The following AMN1 variants were observed in gnomAD, a reference collection of about 807,000 sequenced individuals.
The protein encoded by AMN1 is antagonist of mitotic exit network 1 homolog.
AMN1 carries 20 observed loss-of-function variants against 33.0 expected under a neutral mutation model. The observed-to-expected ratio is 0.61, with a 90% CI of 0.43 to 0.88. The LOEUF (loss-of-function observed/expected upper bound fraction) is 0.88, where lower values mean the gene tolerates loss of function less well. Ranked by LOEUF, AMN1 falls within the 40% of genes least tolerant of loss-of-function variation. AMN1 has a pLI of 0.00. For missense variants in AMN1, 246 were observed against 307.4 expected, an observed-to-expected ratio of 0.80 and a Z score of 1.49; for synonymous variants, 114 against 111.9, an observed-to-expected ratio of 1.02 and a Z score of -0.12.
intron 1 of AMN1, among the ~76,000 whole-genome samples, chr12:31,721,036 A>AGAC (rs1939861508): frequency 6.6e-6 from 1 of 152,186 alleles, no homozygotes; most frequent in Admixed American, 6.5e-5. Flanking sequence ...GGAGTTTGAG[A>AGAC]CCAGCCTCAT....
chr12:31,692,406 G>A (rs1161228375), intron 5 of AMN1, among the ~76,000 whole-genome samples: 1 of 149,900 alleles, frequency 6.7e-6, no homozygotes, highest in Non-Finnish European at 1.5e-5. Context: ...GCAGTGAGCC[G>A]AGATCACTGC....
At chr12:31,674,137 G>A (rs1159194173) in intron 6 of AMN1, among the ~76,000 whole-genome samples, 1 of 151,972 alleles carries the variant, frequency 6.6e-6, no homozygotes, top group Admixed American at 6.6e-5. Flanking sequence ...GGCTGGGTGC[G>A]GTGGCTCACG....
At chr12:31,689,967 T>G (rs1459947101) in intron 5 of AMN1, among the ~76,000 whole-genome samples, 1 of 152,218 alleles carries the variant, frequency 6.6e-6, no homozygotes, top group Non-Finnish European at 1.5e-5. Flanking sequence ...TGCATTTGCA[T>G]CCTCATAATT....
At chr12:31,693,759 C>T (rs1045020415) in intron 5 of AMN1, among the ~76,000 whole-genome samples, 1 of 151,740 alleles carries the variant, frequency 6.6e-6, no homozygotes, top group Non-Finnish European at 1.5e-5. Context: ...TCAGGCTGGT[C>T]TCAAACTCCC....
Position 31,672,197 on chromosome 12 carries a change from A to G in AMN1, c.*107T>C, listed in dbSNP as rs1951287206. Reference sequence around the variant, plus strand: ...GAGTTATAACTTAAGACAATAAAATAATTAAAAATAGTGTTAACATTAAGT... The same window carrying G: ...GAGTTATAACTTAAGACAATAAAATGATTAAAAATAGTGTTAACATTAAGT... On this transcript the variant is annotated 3_prime_UTR_variant, in exon 7 of 7. Coordinates refer to ENST00000281471, the MANE Select transcript of AMN1 (RefSeq NM_001113402.2). The G allele has an allele frequency of 9.3e-6, 7 of 749,018 alleles. No homozygotes were observed. Among genetic ancestry groups the G allele is most frequent in the East Asian group, 8.2e-5 (3 of 36,656 alleles). The allele number at this position is 749,018 out of a possible 1,614,324, so 46.4% of individuals were successfully genotyped here.
Position 31,683,996 on chromosome 12 carries a change from C to T in AMN1, c.703+5011G>A, listed in dbSNP as rs937242280. 2.6e-5 allele frequency among the ~76,000 whole-genome samples: 4 copies of T among 152,128 alleles called. No individual in the cohort carries two copies. Among genetic ancestry groups the T allele is most frequent in the African/African-American group, 7.2e-5 (3 of 41,422 alleles). ...ATCTTGAAAGCTATCCAGGACCTTT[C>T]TAATGACATCAGTTATTATGTTAAC... On this transcript the variant is annotated intron_variant, in intron 6 of 6. Coordinates refer to ENST00000281471, the MANE Select transcript of AMN1 (RefSeq NM_001113402.2). The surrounding 1 kb of genome is among the most constrained non-coding windows in gnomAD (Gnocchi z 4.1).
chr12:31,698,746 T>C (rs914778940), intron 3 of AMN1, among the ~76,000 whole-genome samples: 2 of 152,092 alleles, frequency 1.3e-5, no homozygotes, highest in East Asian at 3.9e-4. Context: ...AAGAACTTTT[T>C]TTTTTTCTTA....
At chr12:31,703,292 A>G (rs931456219) in intron 2 of AMN1, among the ~76,000 whole-genome samples, 4 of 152,182 alleles carry the variant, frequency 2.6e-5, no homozygotes, top group Non-Finnish European at 4.4e-5. Context: ...AGATAAAATT[A>G]TATTAGCTTT....
At chr12:31,685,030 TA>T (rs201689270) in intron 6 of AMN1, among the ~76,000 whole-genome samples, 3,849 of 146,770 alleles carry the variant, frequency 0.026, 211 homozygotes, top group Admixed American at 0.11. Context: ...CCATAATTAT[TA>T]TTTTTTTTTT....
At chr12:31,680,495 C>G (rs1937959942) in intron 6 of AMN1, among the ~76,000 whole-genome samples, 1 of 152,218 alleles carries the variant, frequency 6.6e-6, no homozygotes, top group Non-Finnish European at 1.5e-5. Context: ...AGCCACCATA[C>G]ACAGCCAAAA....
intron 1 of AMN1, among the ~76,000 whole-genome samples, chr12:31,716,239 G>A (rs1392779482): frequency 3.9e-5 from 6 of 152,038 alleles, no homozygotes; most frequent in Admixed American, 3.3e-4. Flanking sequence ...ATATTCTGTT[G>A]TTTGACCAAT....
At chr12:31,692,156 T>C (rs1938528939) in intron 5 of AMN1, among the ~76,000 whole-genome samples, 1 of 151,070 alleles carries the variant, frequency 6.6e-6, no homozygotes, top group East Asian at 2.0e-4. Flanking sequence ...GGATTACAGG[T>C]GTGAGCCACT....
intron 5 of AMN1, among the ~76,000 whole-genome samples, chr12:31,692,714 T>C (rs543411835): frequency 1.1e-4 from 16 of 152,206 alleles, no homozygotes; most frequent in African/African-American, 3.4e-4. Context: ...CAATCTGAAT[T>C]ACCAACAATA....
chr12:31,702,739 A>G (rs756825005), intron 2 of AMN1, among the ~76,000 whole-genome samples: 13 of 151,882 alleles, frequency 8.6e-5, no homozygotes, highest in Admixed American at 5.3e-4. Context: ...ATTATTTTTT[A>G]TTTTATTTTA....
chr12:31,685,024 AATT>A (rs1405779176), intron 6 of AMN1, among the ~76,000 whole-genome samples: 15 of 150,000 alleles, frequency 1.0e-4, no homozygotes, highest in Non-Finnish European at 1.5e-4. Flanking sequence ...TGTTTTCCAT[AATT>A]ATTATTTTTT....
chr12:31,680,966 T>G (rs900364763), intron 6 of AMN1, among the ~76,000 whole-genome samples: 7 of 152,042 alleles, frequency 4.6e-5, no homozygotes, highest in Non-Finnish European at 1.5e-5. Flanking sequence ...AAGAAGAAAT[T>G]AAAAATCAAA....
intron 3 of AMN1, among the ~76,000 whole-genome samples, chr12:31,698,610 C>G (rs533764531): frequency 6.6e-6 from 1 of 152,236 alleles, no homozygotes; most frequent in South Asian, 2.1e-4. Context: ...TTCGGGGATC[C>G]TGGGCCCTTT....
At chr12:31,679,359 T>A (rs866367695) in intron 6 of AMN1, among the ~76,000 whole-genome samples, 142 of 152,024 alleles carry the variant, frequency 9.3e-4, no homozygotes, top group African/African-American at 3.4e-3. Flanking sequence ...AAACCCTATC[T>A]CTACTAAAAA....
chr12:31,704,009 T>C (rs1271225447), intron 2 of AMN1, among the ~76,000 whole-genome samples: 1 of 152,228 alleles, frequency 6.6e-6, no homozygotes, highest in African/African-American at 2.4e-5. Context: ...ATGCTATATA[T>C]AACTATGCTT....
Sources: allele counts gnomAD v4.1 joint callset (sites outside exome capture counted in the v4.1 genomes callset), GRCh38; gene constraint gnomAD v4.1.1; non-coding constraint Gnocchi (gnomAD v3.1); transcripts MANE v1.5; gene names NCBI Gene and HGNC (gene_info 2026-07-23, HGNC 2026-07-21).